The following MROH9 variants were observed in gnomAD, a reference collection of about 807,000 sequenced individuals.
MROH9 encodes the protein maestro heat-like repeat-containing protein family member 9.
A neutral mutation model predicts 98.2 loss-of-function variants in MROH9; 92 were observed. That is an observed-to-expected ratio of 0.94 (90% CI 0.79 to 1.11). The LOEUF is 1.11. Among genes scored for constraint, MROH9 ranks in the 50% most tolerant of loss-of-function variants. The pLI is 0.00. For synonymous variants in MROH9, 397 were observed against 368.9 expected, an observed-to-expected ratio of 1.08 and a Z score of -0.87; for missense variants, 1,057 against 1,014.8, an observed-to-expected ratio of 1.04 and a Z score of -0.57.
chr1:170,953,861 A>G (rs531723869), intron 3 of MROH9, among the ~76,000 whole-genome samples: 2 of 135,328 alleles, frequency 1.5e-5, no homozygotes, highest in South Asian at 2.7e-4. Context: ...AAGAGAAAGA[A>G]AGAGAGAGAG....
Position 170,983,292 on chromosome 1 carries a change from C to T in MROH9, c.617-130C>T, listed in dbSNP as rs147253408. On this transcript the variant is annotated intron_variant, in intron 8 of 21. Transcript: ENST00000367759. The stretch of plus-strand genomic sequence containing the variant: ...AAATTTTATGAGACTAAACTATGAG[C>T]AGAGAGTTAAATATTCGGAAAACTT... The T allele has an allele frequency of 2.5e-3, 1,543 of 615,210 alleles. 6 individuals carry two copies. Among genetic ancestry groups the T allele is most frequent in the South Asian group, 3.2e-3 (150 of 46,390 alleles). 38.1% of individuals were successfully genotyped at this position (615,210 alleles called of 1,614,324 possible).
intron 10 of MROH9, among the ~76,000 whole-genome samples, chr1:170,987,069 C>T (rs551887347): frequency 2.6e-5 from 4 of 151,916 alleles, no homozygotes; most frequent in Non-Finnish European, 4.4e-5. Flanking sequence ...GTTGCCCAGG[C>T]TGGTCTCAAA....
intron 20 of MROH9, among the ~76,000 whole-genome samples, chr1:171,027,794 C>G (rs1008403562): frequency 6.6e-6 from 1 of 152,296 alleles, no homozygotes; most frequent in East Asian, 1.9e-4. Context: ...TTGCATTTCT[C>G]TAATGATCAG....
chr1:171,033,010 G>A (rs1362617234), intron 20 of MROH9, among the ~76,000 whole-genome samples: 1 of 152,254 alleles, frequency 6.6e-6, no homozygotes, highest in Non-Finnish European at 1.5e-5. Context: ...CCCACCCAGT[G>A]AGGAAGGATG....
At chr1:171,023,359 A>G (rs1417553003) in intron 17 of MROH9, among the ~76,000 whole-genome samples, 2 of 152,236 alleles carry the variant, frequency 1.3e-5, no homozygotes, top group African/African-American at 2.4e-5. Flanking sequence ...GCCAGTATGC[A>G]GAGAGCTTGC....
chr1:171,059,851 G>A (rs1653959517), intron 20 of MROH9, among the ~76,000 whole-genome samples: 1 of 152,100 alleles, frequency 6.6e-6, no homozygotes, highest in African/African-American at 2.4e-5. Flanking sequence ...GACACAGGGA[G>A]GGGAACAACA....
intron 3 of MROH9, among the ~76,000 whole-genome samples, chr1:170,957,281 C>T (rs1256881674): frequency 1.3e-5 from 2 of 152,070 alleles, no homozygotes; most frequent in Admixed American, 6.6e-5. Context: ...CCTATGTTTT[C>T]TTCTAGGTGT....
chr1:170,940,692 AT>A (rs1649088300), intron 1 of MROH9, among the ~76,000 whole-genome samples: 1 of 152,236 alleles, frequency 6.6e-6, no homozygotes, highest in African/African-American at 2.4e-5. Flanking sequence ...ATCCACTGTC[AT>A]TCTCCAAGAT....
chr1:171,030,820 A>G (rs1652881458), intron 20 of MROH9, among the ~76,000 whole-genome samples: 1 of 152,190 alleles, frequency 6.6e-6, no homozygotes, highest in South Asian at 2.1e-4. Context: ...TCCAGAGCCG[A>G]GTTCAAGTCC....
chr1:171,063,413 C>T (rs955807351), intron 21 of MROH9, among the ~76,000 whole-genome samples: 6 of 151,952 alleles, frequency 3.9e-5, no homozygotes, highest in Admixed American at 2.6e-4. Context: ...CCACCATGCC[C>T]GGCTAATTTT....
At chr1:170,962,855 A>G (rs1650070130) in intron 6 of MROH9, among the ~76,000 whole-genome samples, 1 of 152,028 alleles carries the variant, frequency 6.6e-6, no homozygotes, top group Non-Finnish European at 1.5e-5. Flanking sequence ...TTAAATGTAA[A>G]CCCCAAAACT....
At chr1:170,994,831 G>A (rs1651499548) in intron 12 of MROH9, among the ~76,000 whole-genome samples, 3 of 151,642 alleles carry the variant, frequency 2.0e-5, no homozygotes, top group East Asian at 1.9e-4. Context: ...TATTTTTCCC[G>A]AGTTACATTT....
chr1:171,012,730 T>C (rs956451468), intron 15 of MROH9, among the ~76,000 whole-genome samples: 59 of 152,086 alleles, frequency 3.9e-4, no homozygotes, highest in Admixed American at 1.0e-3. Context: ...GTCTCGATCT[T>C]CTGACATCAT....
At chr1:171,024,344 G>C in intron 17 of MROH9, 51 bp from the exon 18 acceptor site, 4 of 1,320,516 alleles carry the variant, frequency 3.0e-6, no homozygotes, top group Non-Finnish European at 4.2e-6. Context: ...ATTACTGATT[G>C]AAGAAAAAAG....
At chr1:170,940,232 G>A (rs1036672888) in intron 1 of MROH9, among the ~76,000 whole-genome samples, 10 of 152,112 alleles carry the variant, frequency 6.6e-5, no homozygotes, top group Admixed American at 5.2e-4. Flanking sequence ...CACACTACTG[G>A]ACCCCTAGAA....
chr1:170,972,019 A>G, intron 8 of MROH9, 136 bp downstream of exon 8: 2 of 974,194 alleles, frequency 2.1e-6, no homozygotes, highest in Non-Finnish European at 3.0e-6. Context: ...ACTTTCTAAA[A>G]TGTGTCTTTT....
intron 17 of MROH9, among the ~76,000 whole-genome samples, chr1:171,019,739 G>A (rs927385123): frequency 9.3e-5 from 14 of 150,576 alleles, no homozygotes; most frequent in Non-Finnish European, 2.1e-4. Flanking sequence ...AAATTCAAAA[G>A]CTAGCAGAAA....
At chr1:170,939,578 G>A (rs1649037369) in intron 1 of MROH9, among the ~76,000 whole-genome samples, 1 of 152,170 alleles carries the variant, frequency 6.6e-6, no homozygotes, top group Non-Finnish European at 1.5e-5. Context: ...TAGGAGGAAG[G>A]ATCACTGGCT....
At chr1:170,960,324 C>A (rs1409895222) in intron 5 of MROH9, among the ~76,000 whole-genome samples, 2 of 152,150 alleles carry the variant, frequency 1.3e-5, no homozygotes, top group Non-Finnish European at 2.9e-5. Flanking sequence ...CCCAGAGATA[C>A]TTTTACTTTT....
Sources: allele counts gnomAD v4.1 joint callset (sites outside exome capture counted in the v4.1 genomes callset), GRCh38; gene constraint gnomAD v4.1.1; transcripts MANE v1.5; gene names NCBI Gene and HGNC (gene_info 2026-07-23, HGNC 2026-07-21).